RFX4: variants seen among roughly 807,000 people sequenced by gnomAD.
The protein encoded by RFX4 is transcription factor RFX4.
A neutral mutation model predicts 95.0 loss-of-function variants in RFX4; 10 were observed. That is an observed-to-expected ratio of 0.11 (90% CI 0.06 to 0.18). The LOEUF (loss-of-function observed/expected upper bound fraction) is 0.18, where lower values mean the gene tolerates loss of function less well. RFX4 is among the 10% of genes least tolerant of loss of function. The pLI is 1.00. For synonymous variants in RFX4, 321 were observed against 340.7 expected (o/e 0.94, Z 0.64); for missense variants, 640 against 922.0 (o/e 0.69, Z 3.96).
At chr12:106,714,386 T>C (rs1308657082) in intron 10 of RFX4, among the ~76,000 whole-genome samples, 1 of 152,204 alleles carries the variant, frequency 6.6e-6, no homozygotes, top group African/African-American at 2.4e-5. Flanking sequence ...ACCTAACTCA[T>C]ATATTCTACA....
intron 4 of RFX4, among the ~76,000 whole-genome samples, chr12:106,673,680 C>A (rs1490235016): frequency 6.6e-6 from 1 of 152,078 alleles, no homozygotes; most frequent in Non-Finnish European, 1.5e-5. Flanking sequence ...GGAGGAAATC[C>A]CAAAACAAAG....
intron 17 of RFX4, among the ~76,000 whole-genome samples, chr12:106,756,905 C>T (rs1241754898): frequency 6.6e-6 from 1 of 152,112 alleles, no homozygotes; most frequent in Non-Finnish European, 1.5e-5. Flanking sequence ...TTTTCTCTCC[C>T]CATTATATTC....
chr12:106,698,882 TCTTG>T (rs2041935114), intron 8 of RFX4, among the ~76,000 whole-genome samples: 1 of 152,102 alleles, frequency 6.6e-6, no homozygotes, highest in Non-Finnish European at 1.5e-5. Context: ...TTCTCTGGTT[TCTTG>T]CTTTCTGTTT....
Position 106,609,429 on chromosome 12 carries a change from A to G in RFX4, c.130+546A>G, listed in dbSNP as rs1160762365. On this transcript the variant is annotated intron_variant, in intron 2 of 17. Transcript: ENST00000392842. ...TGCTATATTAAGAGCAGTAGGCTAC[A>G]TGGGACTTGTATTTTTTCCCTTAAA... is the stretch of plus-strand genomic sequence containing the variant. Among the ~76,000 whole-genome samples the G allele has an allele frequency of 2.0e-5, 3 of 152,222 alleles. No individual in the cohort carries two copies. In the East Asian group the frequency reaches 5.8e-4, roughly 29 times the overall value.
chr12:106,588,527 T>C (rs2039495310), intron 1 of RFX4, among the ~76,000 whole-genome samples: 1 of 152,202 alleles, frequency 6.6e-6, no homozygotes, highest in South Asian at 2.1e-4. Context: ...TTCTCACGCC[T>C]AGGCATCCCT....
At chr12:106,636,403 A>G (rs866278566) in intron 2 of RFX4, among the ~76,000 whole-genome samples, 32 of 151,750 alleles carry the variant, frequency 2.1e-4, no homozygotes, top group Admixed American at 6.6e-4. Flanking sequence ...AAAAAAAAAA[A>G]AAAAGAAAAG....
At chr12:106,653,273 C>T (rs1026412346) in intron 3 of RFX4, among the ~76,000 whole-genome samples, 4 of 152,118 alleles carry the variant, frequency 2.6e-5, no homozygotes, top group Admixed American at 2.6e-4. Flanking sequence ...TTGTTTATAT[C>T]CCCAATATTT....
intron 2 of RFX4, among the ~76,000 whole-genome samples, chr12:106,626,090 GAT>G (rs2040293343): frequency 6.6e-6 from 1 of 152,176 alleles, no homozygotes; most frequent in Admixed American, 6.5e-5. Context: ...TCATTCAAAT[GAT>G]ATGAGTTGTA....
intron 3 of RFX4, among the ~76,000 whole-genome samples, chr12:106,652,613 C>T (rs183463318): frequency 5.0e-3 from 760 of 152,254 alleles, no homozygotes; most frequent in South Asian, 0.02. Context: ...ATCCCAGAAG[C>T]GCGGGAAGTA....
At chr12:106,686,050 C>T (rs1565979053) in intron 5 of RFX4, among the ~76,000 whole-genome samples, 1 of 152,206 alleles carries the variant, frequency 6.6e-6, no homozygotes, top group African/African-American at 2.4e-5. Context: ...CATTCAGTGT[C>T]AACTGAAGCA....
intron 15 of RFX4, among the ~76,000 whole-genome samples, chr12:106,737,840 G>C (rs1477947181): frequency 6.6e-6 from 1 of 152,144 alleles, no homozygotes; most frequent in East Asian, 1.9e-4. Context: ...ATTTGAGATC[G>C]CCGTATTTGT....
At chr12:106,621,244 T>G (rs530778453) in intron 2 of RFX4, among the ~76,000 whole-genome samples, 23 of 152,212 alleles carry the variant, frequency 1.5e-4, no homozygotes, top group Non-Finnish European at 2.8e-4. Context: ...CCATGAAATC[T>G]TCACAATTTA....
At chr12:106,629,562 C>T (rs989904578) in intron 2 of RFX4, among the ~76,000 whole-genome samples, 9 of 152,072 alleles carry the variant, frequency 5.9e-5, no homozygotes, top group Non-Finnish European at 1.2e-4. Context: ...CTCACTGCAG[C>T]CTCAACCTCC....
At chr12:106,600,513 AGCCAGCCCCTGG>A (rs1592835935) in intron 1 of RFX4, among the ~76,000 whole-genome samples, 1 of 152,158 alleles carries the variant, frequency 6.6e-6, no homozygotes, top group East Asian at 1.9e-4. Flanking sequence ...CCTCCTGTGT[AGCCAGCCCCTGG>A]TGCATGGTAT....
intron 4 of RFX4, among the ~76,000 whole-genome samples, chr12:106,667,434 A>G (rs1295843555): frequency 1.3e-5 from 2 of 152,152 alleles, no homozygotes; most frequent in Admixed American, 6.5e-5. Flanking sequence ...CCCTGCCGGA[A>G]GCGTGAGGGA....
At chr12:106,662,250 G>T in intron 4 of RFX4, 2 of 370,326 alleles carry the variant, frequency 5.4e-6, no homozygotes, top group Non-Finnish European at 1.1e-5. Context: ...CCAGGTTTTG[G>T]CCATTCTAAT....
chr12:106,659,015 T>C (rs1440584166), intron 4 of RFX4, among the ~76,000 whole-genome samples: 2 of 152,224 alleles, frequency 1.3e-5, no homozygotes, highest in Non-Finnish European at 2.9e-5. Context: ...AAAATAGCTT[T>C]GCTTTGTTCC....
At chr12:106,660,068 G>A (rs1469710385) in intron 4 of RFX4, among the ~76,000 whole-genome samples, 1 of 151,970 alleles carries the variant, frequency 6.6e-6, no homozygotes, top group Non-Finnish European at 1.5e-5. Context: ...GAACTCTGGG[G>A]TACTGAGTAC....
chr12:106,735,638 A>C (rs2137573064), intron 15 of RFX4, among the ~76,000 whole-genome samples: 1 of 152,326 alleles, frequency 6.6e-6, no homozygotes, highest in South Asian at 2.1e-4. Flanking sequence ...AACTGCATTG[A>C]AAGCTTTGGA....
Sources: gnomAD v4.1 joint callset for allele counts (sites outside exome capture counted in the v4.1 genomes callset) on GRCh38, gnomAD v4.1.1 for gene constraint, MANE v1.5 for transcripts, NCBI Gene and HGNC (gene_info 2026-07-23, HGNC 2026-07-21) for gene names.